Variants in TBC1D21 observed in about 807,000 individuals in gnomAD.
The protein encoded by TBC1D21 is TBC1 domain family member 21, also known as male germ cell Rab GTPase-activating protein.
TBC1D21 carries 38 observed loss-of-function variants against 46.0 expected under a neutral mutation model. The ratio of observed to expected loss-of-function variants is 0.83; its 90% CI spans 0.64 to 1.08. The LOEUF is 1.08. TBC1D21 is among the 50% of genes least tolerant of loss of function. The pLI is 0.00. For missense variants in TBC1D21, 415 were observed against 417.9 expected (o/e 0.99, Z 0.06); for synonymous variants, 151 against 157.2 (o/e 0.96, Z 0.29).
chr15:73,887,548 G>C (rs1439804188), intron 8 of TBC1D21, 72 bp from the exon 9 acceptor site: 1 of 1,336,484 alleles, frequency 7.5e-7, no homozygotes, highest in Admixed American at 1.7e-5. Flanking sequence ...GTGGTTGGTG[G>C]GTACCTCACC....
At chr15:73,878,258 A>T (rs1567063446) in intron 1 of TBC1D21, among the ~76,000 whole-genome samples, 1 of 152,226 alleles carries the variant, frequency 6.6e-6, no homozygotes, top group Non-Finnish European at 1.5e-5. Flanking sequence ...CCATCATAGC[A>T]TGAAAACAGC....
At chr15:73,892,522 G>T (rs570073458), downstream of TBC1D21, among the ~76,000 whole-genome samples, 1 of 152,284 alleles carries the variant, frequency 6.6e-6, no homozygotes, top group East Asian at 1.9e-4. Flanking sequence ...GCGTTCCCTT[G>T]TGCCAGCCAT....
chr15:73,887,512 G>A (rs2068268696), intron 8 of TBC1D21, 108 bp from the exon 9 acceptor site: 2 of 852,468 alleles, frequency 2.3e-6, no homozygotes, highest in Non-Finnish European at 4.0e-6. Flanking sequence ...CAGCAGCAAG[G>A]CCCAGGAATG....
chr15:73,879,485 T>C (rs983452038), intron 1 of TBC1D21, among the ~76,000 whole-genome samples: 1 of 152,196 alleles, frequency 6.6e-6, no homozygotes, highest in Non-Finnish European at 1.5e-5. Context: ...TCCAAAGTGC[T>C]GGGATTACAG....
At chr15:73,897,244 T>C in the TBC1D21 span, among the ~76,000 whole-genome samples, 7 of 152,188 alleles carry the variant, frequency 4.6e-5, no homozygotes, top group African/African-American at 1.7e-4. Context: ...GTAATAGTTG[T>C]GTGACCGTGG....
chr15:73,881,560 C>A, intron 2 of TBC1D21, 54 bp downstream of exon 2: 1 of 1,599,368 alleles, frequency 6.3e-7, no homozygotes, highest in Non-Finnish European at 8.6e-7. Flanking sequence ...CATGGATGGG[C>A]AGGGGGCAGG....
Position 73,884,783 on chromosome 15 carries a change from C to T in TBC1D21, c.370C>T (p.Arg124Cys), listed in dbSNP as rs375612647. The change falls in exon 5 of 11, where the codon CGT becomes TGT. Residue 124 changes from arginine (R) to cysteine (C), a missense_variant and splice_region_variant. Coordinates refer to ENST00000300504, the MANE Select transcript of TBC1D21 (RefSeq NM_153356.3). The part of the protein sequence containing the change: ...NFTETRNNIA[R>C]DIQKIYDKDP... ...CTTGCCCCTTGCTTCCAACCTAGCACGTGACATTCAGAAAATCTATGACAA... is the reference window on the plus strand; with the variant it reads ...CTTGCCCCTTGCTTCCAACCTAGCATGTGACATTCAGAAAATCTATGACAA... The T allele has an allele frequency of 2.1e-5, 34 of 1,613,284 alleles. No individual in the cohort carries two copies. In the East Asian group the frequency reaches 3.6e-4, roughly 17 times the overall value.
At chr15:73,904,541 C>A in the TBC1D21 span, among the ~76,000 whole-genome samples, 2 of 152,236 alleles carry the variant, frequency 1.3e-5, no homozygotes, top group African/African-American at 2.4e-5. Context: ...GCCTCCCCTC[C>A]CGCCATGTGC....
chr15:73,874,115 T>C (rs1029485937), intron 1 of TBC1D21, among the ~76,000 whole-genome samples: 2 of 152,272 alleles, frequency 1.3e-5, no homozygotes, highest in Non-Finnish European at 2.9e-5. Flanking sequence ...GTAATGCTTT[T>C]GTTAGTAGGT....
Position 73,881,633 on chromosome 15 carries a change from C to T in TBC1D21, c.169-11C>T, listed in dbSNP as rs1205931213. On this transcript the variant is annotated splice_polypyrimidine_tract_variant and intron_variant, in intron 2 of 10. Coordinates refer to ENST00000300504, the MANE Select transcript of TBC1D21 (RefSeq NM_153356.3). Reference sequence around the variant, plus strand: ...AGAGCCCATGACCTCCACCTCCCACCCCCACCCCAGGGTCTGCACCCCTTC... The same window carrying T: ...AGAGCCCATGACCTCCACCTCCCACTCCCACCCCAGGGTCTGCACCCCTTC... 3.1e-6 allele frequency: 5 copies of T among 1,612,808 alleles called. No homozygotes were observed. The highest frequency in any genetic ancestry group is 2.2e-5 in the East Asian group (1 of 44,814).
At chr15:73,895,871 G>A in the TBC1D21 span, among the ~76,000 whole-genome samples, 5 of 152,160 alleles carry the variant, frequency 3.3e-5, no homozygotes, top group Non-Finnish European at 7.3e-5. Context: ...CTGTCAGCCA[G>A]GCAGGATATT....
the TBC1D21 span, among the ~76,000 whole-genome samples, chr15:73,898,880 A>AAAATATAT: frequency 1.8e-5 from 1 of 56,778 alleles, no homozygotes; most frequent in African/African-American, 5.3e-5. Context: ...AAAAAAAAAA[A>AAAATATAT]ATATATATAT....
At chr15:73,889,466 G>A (rs1439873866), downstream of TBC1D21, among the ~76,000 whole-genome samples, 1 of 152,198 alleles carries the variant, frequency 6.6e-6, no homozygotes, top group African/African-American at 2.4e-5. Context: ...AGACCCCTGT[G>A]GAGGACAAAA....
At chr15:73,892,977 G>A (rs546222436), downstream of TBC1D21, among the ~76,000 whole-genome samples, 30 of 152,302 alleles carry the variant, frequency 2.0e-4, 1 homozygote, top group East Asian at 3.3e-3. Flanking sequence ...TGGTGGCAGA[G>A]GTGTGATGTC....
downstream of TBC1D21, among the ~76,000 whole-genome samples, chr15:73,892,292 T>G (rs1659035856): frequency 2.6e-5 from 4 of 152,170 alleles, no homozygotes; most frequent in South Asian, 6.2e-4. Context: ...GGACAAAACT[T>G]GAGACCCACC....
chr15:73,906,989 A>C, the TBC1D21 span, among the ~76,000 whole-genome samples: 1 of 152,130 alleles, frequency 6.6e-6, no homozygotes, highest in African/African-American at 2.4e-5. Context: ...GGCCCCACCA[A>C]CCACAATTCC....
intron 1 of TBC1D21, among the ~76,000 whole-genome samples, chr15:73,878,990 C>G (rs922558457): frequency 6.6e-6 from 1 of 152,180 alleles, no homozygotes; most frequent in Non-Finnish European, 1.5e-5. Context: ...GGGAACACAT[C>G]AGGGCAGACC....
At chr15:73,895,874 A>C in the TBC1D21 span, among the ~76,000 whole-genome samples, 2 of 152,334 alleles carry the variant, frequency 1.3e-5, no homozygotes, top group East Asian at 1.9e-4. Flanking sequence ...TCAGCCAGGC[A>C]GGATATTCTT....
chr15:73,903,677 G>C, the TBC1D21 span, among the ~76,000 whole-genome samples: 1 of 152,114 alleles, frequency 6.6e-6, no homozygotes, highest in East Asian at 1.9e-4. Flanking sequence ...AAAAGACCAG[G>C]CCCCTTCACT....
Sources: allele counts gnomAD v4.1 joint callset (sites outside exome capture counted in the v4.1 genomes callset), GRCh38; gene constraint gnomAD v4.1.1; transcripts MANE v1.5; gene names NCBI Gene and HGNC (gene_info 2026-07-23, HGNC 2026-07-21).